FAM98B: variants seen among roughly 807,000 people sequenced by gnomAD.
The protein encoded by FAM98B is tRNA-splicing ligase complex subunit FAM98B.
FAM98B carries 32 observed loss-of-function variants against 43.9 expected under a neutral mutation model. The ratio of observed to expected loss-of-function variants is 0.73; its 90% CI spans 0.55 to 0.98. The LOEUF (loss-of-function observed/expected upper bound fraction) is 0.98, where lower values mean the gene tolerates loss of function less well. Among genes scored for constraint, FAM98B ranks in the 50% least tolerant of loss-of-function variants. The probability of loss-of-function intolerance (pLI) is 0.00; values close to 1 mark genes in which losing one functional copy is unlikely to be tolerated. For missense variants in FAM98B, 514 were observed against 522.9 expected, an observed-to-expected ratio of 0.98 and a Z score of 0.17; for synonymous variants, 190 against 174.0, an observed-to-expected ratio of 1.09 and a Z score of -0.72.
At position 38,485,228 on chromosome 15, in the gene FAM98B, A is replaced by T. The variant is rs1390155670; in HGVS notation, c.*569A>T. ...TCCTCTCTAGCCATGTTTCTGTTAA[A>T]GTTTCATTAATTGAAGCCCAAGTTT... On this transcript the variant is annotated 3_prime_UTR_variant, in exon 8 of 8. Transcript: ENST00000397609. 2.0e-5 allele frequency: 3 copies of T among 152,234 alleles called. No individual in the cohort carries two copies. Among genetic ancestry groups the T allele is most frequent in the African/African-American group, 7.2e-5 (3 of 41,446 alleles). 9.4% of individuals were successfully genotyped at this position (152,234 alleles called of 1,614,324 possible).
rs1458916695 is a variant in FAM98B at position 38,464,082 on chromosome 15, G to A, written c.122G>A (p.Gly41Asp). The A allele has an allele frequency of 6.2e-7, 1 of 1,613,428 alleles. No individual in the cohort carries two copies. The highest frequency in any genetic ancestry group is 1.1e-5 in the South Asian group (1 of 90,992). ...EEQALTKAAE[G>D]GLSSPEFSEL... Reference sequence around the variant, plus strand: ...CAAGCCCTTACAAAGGCGGCAGAGGGTGGATTATCTTCACCTGAATTTTCA... The same window carrying A: ...CAAGCCCTTACAAAGGCGGCAGAGGATGGATTATCTTCACCTGAATTTTCA... Residue 41 changes from glycine to aspartate, a missense_variant, in exon 2 of 8, where the codon GGT becomes GAT. Around this residue, in one of 2 missense-constraint regions of FAM98B, gnomAD observed 469 missense variants for 451.8 expected, o/e 1.04. Transcript: ENST00000397609.
At chr15:38,463,706 G>C (rs1383856581) in intron 1 of FAM98B, among the ~76,000 whole-genome samples, 2 of 151,826 alleles carry the variant, frequency 1.3e-5, no homozygotes, top group Non-Finnish European at 2.9e-5. Flanking sequence ...TGTGATACCT[G>C]TGGTATTTAT....
intron 1 of FAM98B, chr15:38,459,508 C>G (rs575292006): frequency 6.7e-5 from 22 of 326,562 alleles, no homozygotes; most frequent in Middle Eastern, 5.5e-4. Context: ...GCATCTTCCC[C>G]TGTGCCTGGG....
chr15:38,484,774 G>A lies in FAM98B; in HGVS notation c.*115G>A. ...AGTAAACACCATGTTAGACTCCCTGGTGATACCACTCTTGAATTGGTTAAT... is the reference window on the plus strand; with the variant it reads ...AGTAAACACCATGTTAGACTCCCTGATGATACCACTCTTGAATTGGTTAAT... On this transcript the variant is annotated 3_prime_UTR_variant, in exon 8 of 8. Transcript: ENST00000397609. 1 of 1,417,936 alleles carries A rather than the reference G, an allele frequency of 7.1e-7. No homozygotes were observed. The highest frequency in any genetic ancestry group is 9.2e-7 in the Non-Finnish European group (1 of 1,088,232). 87.8% of individuals were successfully genotyped at this position (1,417,936 alleles called of 1,614,324 possible).
At chr15:38,457,713 A>G (rs1437302567) in intron 1 of FAM98B, among the ~76,000 whole-genome samples, 1 of 152,112 alleles carries the variant, frequency 6.6e-6, no homozygotes, top group Non-Finnish European at 1.5e-5. Context: ...TGGAGAGGAA[A>G]ACTGAGCAAA....
At chr15:38,479,429 A>T (rs923099219) in intron 6 of FAM98B, among the ~76,000 whole-genome samples, 1 of 152,190 alleles carries the variant, frequency 6.6e-6, no homozygotes, top group Non-Finnish European at 1.5e-5. Context: ...CCTGGCAACC[A>T]TTACTATAAT....
chr15:38,467,840 G>A (rs1890062033), intron 3 of FAM98B, among the ~76,000 whole-genome samples: 1 of 152,188 alleles, frequency 6.6e-6, no homozygotes, highest in African/African-American at 2.4e-5. Flanking sequence ...TAAATCAAAT[G>A]TGCTGATGTG....
chr15:38,454,332 A>G, intron 1 of FAM98B, 100 bp downstream of exon 1: 1 of 1,238,222 alleles, frequency 8.1e-7, no homozygotes, highest in Non-Finnish European at 1.2e-6. Context: ...CTGGGCGGCC[A>G]TGTGTAGGCC....
At position 38,477,868 on chromosome 15, in the gene FAM98B, A is replaced by C. The variant is rs184533647; in HGVS notation, c.730-3424A>C. Among the ~76,000 whole-genome samples, 65 of 152,318 alleles carry C rather than the reference A, an allele frequency of 4.3e-4. 1 individual carries two copies. The highest frequency in any genetic ancestry group is 3.9e-3 in the Admixed American group (60 of 15,304). On this transcript the variant is annotated intron_variant, in intron 6 of 7. Transcript: ENST00000397609. The stretch of plus-strand genomic sequence containing the variant: ...TGCTGTTAAGAGCTGTAAGTTACCA[A>C]CGAAGCAGATGACATGATTGCTTAC...
chr15:38,470,792 T>A (rs1188328065), intron 4 of FAM98B: 1 of 155,854 alleles, frequency 6.4e-6, no homozygotes, highest in African/African-American at 2.4e-5. Flanking sequence ...TTAATAGAAT[T>A]GCAGAGTGGT....
At chr15:38,455,181 A>G (rs1012923409) in intron 1 of FAM98B, among the ~76,000 whole-genome samples, 3 of 152,226 alleles carry the variant, frequency 2.0e-5, no homozygotes, top group African/African-American at 7.2e-5. Context: ...AGTCTTTTAC[A>G]GTAAATAGTG....
In FAM98B at chr15:38,485,178, AT is replaced by A. The variant is rs374753917; in HGVS notation, c.*526del. On this transcript the variant is annotated 3_prime_UTR_variant, in exon 8 of 8. Coordinates refer to ENST00000397609, the MANE Select transcript of FAM98B (RefSeq NM_173611.4). ...ATTTAGTAGGCAGTTGTTGTGAATC[AT>A]TTTTTTCTCTTATAGGAGGAGATTC... 0.011 allele frequency: 1,706 copies of A among 152,188 alleles called. 20 individuals carry two copies. The highest frequency in any genetic ancestry group is 0.019 in the Non-Finnish European group (1,282 of 68,054). 9.4% of individuals were successfully genotyped at this position (152,188 alleles called of 1,614,324 possible). A position where few individuals can be genotyped will look rare whatever the true frequency, so the allele number is the denominator to read the frequency against.
Position 38,481,295 on chromosome 15 carries a change from A to G in FAM98B, c.733A>G (p.Lys245Glu), listed in dbSNP as rs1364542692. Residue 245 changes from lysine (K) to glutamate (E), a missense_variant, in exon 7 of 8, where the codon AAA becomes GAA. Coordinates refer to ENST00000397609, the MANE Select transcript of FAM98B (RefSeq NM_173611.4). ...SFGWSDRAKVKTDDIARIYQP... is the reference protein window; with the variant it reads ...SFGWSDRAKVETDDIARIYQP... ...TTCCTTAACTCTTGTCATTTAGGTA[A>G]AAACAGATGATATAGCAAGAATTTA... The G allele has an allele frequency of 1.2e-6, 2 of 1,612,206 alleles. No homozygotes were observed. Among genetic ancestry groups the G allele is most frequent in the East Asian group, 2.2e-5 (1 of 44,826 alleles).
intron 1 of FAM98B, among the ~76,000 whole-genome samples, chr15:38,461,867 T>A (rs1438015983): frequency 6.6e-6 from 1 of 152,108 alleles, no homozygotes; most frequent in Non-Finnish European, 1.5e-5. Context: ...GTACAACCCC[T>A]CTACAGGAGA....
intron 6 of FAM98B, among the ~76,000 whole-genome samples, chr15:38,475,495 C>T (rs1161386616): frequency 6.6e-6 from 1 of 152,160 alleles, no homozygotes; most frequent in Admixed American, 6.5e-5. Flanking sequence ...CCTTGCATTT[C>T]CTAGCTTCTA....
At chr15:38,474,872 C>G (rs1890175141) in intron 6 of FAM98B, among the ~76,000 whole-genome samples, 1 of 152,146 alleles carries the variant, frequency 6.6e-6, no homozygotes, top group Non-Finnish European at 1.5e-5. Flanking sequence ...TGGAAACTCT[C>G]CAGGCAGTAA....
intron 3 of FAM98B, among the ~76,000 whole-genome samples, chr15:38,469,623 C>T (rs1215253114): frequency 3.3e-5 from 5 of 152,144 alleles, no homozygotes; most frequent in Non-Finnish European, 5.9e-5. Flanking sequence ...TAGACATGTA[C>T]TTACTGAAAT....
At chr15:38,454,818 A>G (rs1306208353) in intron 1 of FAM98B, among the ~76,000 whole-genome samples, 1 of 152,176 alleles carries the variant, frequency 6.6e-6, no homozygotes, top group Non-Finnish European at 1.5e-5. Context: ...GCAAGGGAAA[A>G]GGATAGTTTT....
rs756410939 is a variant in FAM98B, at chr15:38,464,148, G to A, written c.188G>A (p.Cys63Tyr). The A allele has an allele frequency of 1.2e-5, 20 of 1,612,820 alleles. No homozygotes were observed. The highest frequency in any genetic ancestry group is 3.3e-5 in the Admixed American group (2 of 59,878). The change falls in exon 2 of 8, where the codon TGC becomes TAC. Residue 63 changes from cysteine (C) to tyrosine (Y), a missense_variant. Transcript: ENST00000397609. ...IWLGSQIKSL[C>Y]NLEESITSAG... is the part of the protein sequence containing the mutation. ...TTAGGCTCTCAAATAAAATCATTAT[G>A]CAACTTGGAAGAAAGTATCACGTCT...
Sources: allele counts gnomAD v4.1 joint callset (sites outside exome capture counted in the v4.1 genomes callset), GRCh38; gene constraint gnomAD v4.1.1; regional missense constraint gnomAD v4.1.1; transcripts MANE v1.5; gene names NCBI Gene and HGNC (gene_info 2026-07-23, HGNC 2026-07-21).